CAST: variants seen among roughly 807,000 people sequenced by gnomAD.
The protein encoded by CAST is calpastatin.
CAST carries 76 observed loss-of-function variants against 119.6 expected under a neutral mutation model. The ratio of observed to expected loss-of-function variants is 0.64; its 90% CI spans 0.53 to 0.77. The LOEUF is 0.77. Ranked by LOEUF, CAST falls within the 30% of genes least tolerant of loss-of-function variation. The pLI is 0.00. For missense variants in CAST, 953 were observed against 946.5 expected (o/e 1.01, Z -0.09); for synonymous variants, 319 against 331.6 (o/e 0.96, Z 0.41).
At chr5:96,106,699 A>G in the CAST span, among the ~76,000 whole-genome samples, 5 of 151,616 alleles carry the variant, frequency 3.3e-5, no homozygotes, top group East Asian at 1.9e-4. Context: ...TGTATATTCT[A>G]TTGATTTGGG....
the CAST span, among the ~76,000 whole-genome samples, chr5:96,075,807 A>T: frequency 1.3e-5 from 2 of 152,154 alleles, no homozygotes; most frequent in African/African-American, 4.8e-5. Context: ...GGGTTAAATG[A>T]TCCCTTTAAG....
the CAST span, among the ~76,000 whole-genome samples, chr5:96,491,014 ACT>A: frequency 6.6e-6 from 1 of 152,166 alleles, no homozygotes; most frequent in African/African-American, 2.4e-5. Context: ...AGAATATATA[ACT>A]CTTATAATCA....
the CAST span, among the ~76,000 whole-genome samples, chr5:96,068,758 A>G: frequency 2.0e-5 from 3 of 151,414 alleles, no homozygotes; most frequent in Admixed American, 6.6e-5. Context: ...AAATACATAT[A>G]TGCATATATT....
Position 96,725,850 on chromosome 5 carries a change from T to C in CAST, c.271-944T>C, listed in dbSNP as rs182175732. Among the ~76,000 whole-genome samples the C allele has an allele frequency of 4.9e-3, 747 of 152,254 alleles. 6 individuals are homozygous for C. Among genetic ancestry groups the C allele is most frequent in the Non-Finnish European group, 5.7e-3 (389 of 68,002 alleles). ...TAAACTGAAAGGATAGTTCCATAAA[T>C]AGAAACTCATTAATGAGAATGTAGT... On this transcript the variant is annotated intron_variant, in intron 4 of 31. Coordinates refer to ENST00000675179, the MANE Select transcript of CAST (RefSeq NM_001750.7).
At chr5:96,740,207 G>T in intron 12 of CAST, 89 bp downstream of exon 12, 1 of 676,378 alleles carries the variant, frequency 1.5e-6, no homozygotes, top group Non-Finnish European at 2.5e-6. Context: ...TTAGAAGTTA[G>T]AAAATATAAT....
intron 22 of CAST, among the ~76,000 whole-genome samples, chr5:96,756,013 G>A (rs942809026): frequency 1.3e-5 from 2 of 152,158 alleles, no homozygotes; most frequent in African/African-American, 4.8e-5. Flanking sequence ...GGAAGCAGTT[G>A]ATTCACAGTC....
the CAST span, among the ~76,000 whole-genome samples, chr5:96,409,040 G>A: frequency 0.19 from 28,529 of 152,154 alleles, 3,318 homozygotes; most frequent in Middle Eastern, 0.24. Context: ...ACTCATATGC[G>A]AGACTTACCC....
the CAST span, among the ~76,000 whole-genome samples, chr5:96,316,181 C>A: frequency 6.6e-6 from 1 of 152,168 alleles, no homozygotes; most frequent in African/African-American, 2.4e-5. Context: ...TTTCCCTGAC[C>A]ACATGGTGAC....
Position 96,766,795 on chromosome 5 carries a change from CA to C in CAST, c.2131-640del, listed in dbSNP as rs536593417. ...AATAACCCTTTCCATGCCTGTTCATCAAATAAGAAACAAGGAAGACCAAATT... is the reference window on the plus strand; with the variant it reads ...AATAACCCTTTCCATGCCTGTTCATCAATAAGAAACAAGGAAGACCAAATT... On this transcript the variant is annotated intron_variant, in intron 27 of 31. Coordinates refer to ENST00000675179, the MANE Select transcript of CAST (RefSeq NM_001750.7). 2.8e-3 allele frequency among the ~76,000 whole-genome samples: 426 copies of C among 152,278 alleles called. 6 individuals carry two copies. Among genetic ancestry groups the C allele is most frequent in the African/African-American group, 9.7e-3 (404 of 41,544 alleles).
chr5:96,458,385 A>G, the CAST span, among the ~76,000 whole-genome samples: 1,078 of 152,298 alleles, frequency 7.1e-3, 60 homozygotes, highest in East Asian at 0.14. Context: ...ACAGAAGCTT[A>G]GATCTAGAGA....
chr5:96,403,632 G>C, the CAST span, among the ~76,000 whole-genome samples: 26 of 152,242 alleles, frequency 1.7e-4, no homozygotes, highest in African/African-American at 6.0e-4. Flanking sequence ...AGAAAATAAG[G>C]GTATGGAATT....
chr5:96,423,410 A>G, the CAST span: 4 of 1,614,092 alleles, frequency 2.5e-6, no homozygotes, highest in Non-Finnish European at 3.4e-6. Flanking sequence ...CCAAACAGGT[A>G]TCACATGAAG....
the CAST span, among the ~76,000 whole-genome samples, chr5:96,195,089 G>T: frequency 6.6e-6 from 1 of 152,222 alleles, no homozygotes. Context: ...ATGCCAGAGG[G>T]CAGAACTAGA....
At chr5:96,230,853 C>G in the CAST span, among the ~76,000 whole-genome samples, 1 of 152,026 alleles carries the variant, frequency 6.6e-6, no homozygotes, top group African/African-American at 2.4e-5. Context: ...ATTTCTTTAA[C>G]GAAGATTTAC....
At chr5:96,513,586 A>G in the CAST span, among the ~76,000 whole-genome samples, 1 of 152,202 alleles carries the variant, frequency 6.6e-6, no homozygotes, top group African/African-American at 2.4e-5. Context: ...ACAAATTCCT[A>G]TAAGAGCCAC....
chr5:96,575,272 T>C (rs918323764), intron 1 of CAST, among the ~76,000 whole-genome samples: 18 of 152,070 alleles, frequency 1.2e-4, no homozygotes, highest in African/African-American at 4.3e-4. Flanking sequence ...GAGTCATTGC[T>C]GAATTCACAT....
chr5:96,041,353 G>A, the CAST span, among the ~76,000 whole-genome samples: 1 of 151,912 alleles, frequency 6.6e-6, no homozygotes, highest in Non-Finnish European at 1.5e-5. Context: ...TTCTGATAGG[G>A]GACATCCAAC....
chr5:96,656,549 C>T (rs1748161005), intron 1 of CAST, among the ~76,000 whole-genome samples: 1 of 152,166 alleles, frequency 6.6e-6, no homozygotes, highest in Non-Finnish European at 1.5e-5. Context: ...CAGTGAAGCC[C>T]AGGTCTACAT....
At position 96,680,382 on chromosome 5, in the gene CAST, AG is replaced by A. The variant is rs1561466347; in HGVS notation, c.138+4782del. ...AAAAAAAAAAAAAAAAAAAAAAAGA[AG>A]AAGAAGAAAAGAAAAATGGAAAATA... On this transcript the variant is annotated intron_variant, in intron 2 of 31. Transcript: ENST00000675179. 7.5e-3 allele frequency among the ~76,000 whole-genome samples: 725 copies of A among 97,212 alleles called. 64 individuals carry two copies. Among genetic ancestry groups the A allele is most frequent in the African/African-American group, 0.034 (623 of 18,586 alleles). The allele number at this position is 97,212 out of a possible 152,430, so 63.8% of individuals were successfully genotyped here.
Sources: allele counts gnomAD v4.1 joint callset (sites outside exome capture counted in the v4.1 genomes callset), GRCh38; gene constraint gnomAD v4.1.1; transcripts MANE v1.5; gene names NCBI Gene and HGNC (gene_info 2026-07-23, HGNC 2026-07-21).